The following FRS2 variants were observed in gnomAD, a reference collection of about 807,000 sequenced individuals.
FRS2 encodes FGFR signalling adaptor.
FRS2 carries 8 observed loss-of-function variants against 43.9 expected under a neutral mutation model. The ratio of observed to expected loss-of-function variants is 0.18; its 90% confidence interval spans 0.11 to 0.33. The LOEUF is 0.33. Ranked by LOEUF, FRS2 falls within the 10% of genes least tolerant of loss-of-function variation. The pLI, the probability that FRS2 is intolerant of heterozygous loss-of-function variation, is 1.00. For missense variants in FRS2, 534 were observed against 627.6 expected, an observed-to-expected ratio of 0.85 and a Z score of 1.59; for synonymous variants, 219 against 220.3, an observed-to-expected ratio of 0.99 and a Z score of 0.05.
intron 1 of FRS2, among the ~76,000 whole-genome samples, chr12:69,525,748 A>G (rs1876154084): frequency 6.6e-6 from 1 of 151,662 alleles, no homozygotes; most frequent in Non-Finnish European, 1.5e-5. Context: ...ACCAAGTGGT[A>G]TGTGTTTTTT....
chr12:69,514,543 G>A (rs796427898), intron 1 of FRS2, among the ~76,000 whole-genome samples: 1 of 152,002 alleles, frequency 6.6e-6, no homozygotes, highest in Non-Finnish European at 1.5e-5. Flanking sequence ...ATTATAAGAC[G>A]GGAGGATGGC....
intron 1 of FRS2, among the ~76,000 whole-genome samples, chr12:69,480,011 GGATACTTTTCTT>G (rs1218204144): frequency 3.3e-5 from 5 of 151,908 alleles, no homozygotes; most frequent in African/African-American, 1.2e-4. Flanking sequence ...ATTGTGTTCT[GGATACTTTTCTT>G]GAAGTTAGCT....
chr12:69,504,298 G>C (rs1448843663), intron 1 of FRS2, among the ~76,000 whole-genome samples: 1 of 152,176 alleles, frequency 6.6e-6, no homozygotes, highest in Admixed American at 6.5e-5. Flanking sequence ...CCAGGAGGTG[G>C]AGGTTGCAGT....
intron 3 of FRS2, among the ~76,000 whole-genome samples, chr12:69,543,040 T>C (rs1421946093): frequency 6.6e-6 from 1 of 152,192 alleles, no homozygotes. Flanking sequence ...AAGGAAAACA[T>C]CAGGTACTAC....
intron 1 of FRS2, among the ~76,000 whole-genome samples, chr12:69,489,301 G>C (rs1360279663): frequency 2.6e-5 from 4 of 152,098 alleles, no homozygotes; most frequent in African/African-American, 4.8e-5. Context: ...TTAGATACTG[G>C]CTTCATTTTG....
intron 1 of FRS2, among the ~76,000 whole-genome samples, chr12:69,528,527 G>A (rs944040513): frequency 9.2e-5 from 14 of 152,206 alleles, no homozygotes; most frequent in East Asian, 7.7e-4. Context: ...TGGTACAGAT[G>A]ATTTAAAAAC....
At chr12:69,544,156 G>A (rs896683387) in intron 3 of FRS2, among the ~76,000 whole-genome samples, 1 of 150,568 alleles carries the variant, frequency 6.6e-6, no homozygotes, top group African/African-American at 2.4e-5. Flanking sequence ...TCTTAAAAAT[G>A]CAATTGAATC....
intron 1 of FRS2, among the ~76,000 whole-genome samples, chr12:69,510,110 T>G (rs1295340709): frequency 6.6e-6 from 1 of 152,196 alleles, no homozygotes; most frequent in Non-Finnish European, 1.5e-5. Context: ...GCATACCTCA[T>G]GTGGTGCCAG....
At chr12:69,568,470 T>C (rs1400447047) in intron 4 of FRS2, among the ~76,000 whole-genome samples, 1 of 152,046 alleles carries the variant, frequency 6.6e-6, no homozygotes, top group African/African-American at 2.4e-5. Flanking sequence ...GAGGATCACT[T>C]GAGCCCAGGA....
chr12:69,538,223 A>ATATATATATATATG (rs1194377826), intron 3 of FRS2, among the ~76,000 whole-genome samples: 102 of 100,140 alleles, frequency 1.0e-3, no homozygotes, highest in African/African-American at 4.2e-3. Flanking sequence ...ATATATATAT[A>ATATATATATATATG]GCATTGCAGA....
At chr12:69,496,793 C>T (rs1025170411) in intron 1 of FRS2, among the ~76,000 whole-genome samples, 2 of 152,074 alleles carry the variant, frequency 1.3e-5, no homozygotes, top group East Asian at 3.9e-4. Context: ...TAGGGCATAA[C>T]AAATAGGAAT....
chr12:69,508,650 G>A (rs1240434700), intron 1 of FRS2, among the ~76,000 whole-genome samples: 1 of 152,100 alleles, frequency 6.6e-6, no homozygotes, highest in African/African-American at 2.4e-5. Flanking sequence ...GTATTACAAG[G>A]CTTATGAAAA....
At chr12:69,525,114 C>A (rs761225024) in intron 1 of FRS2, among the ~76,000 whole-genome samples, 11 of 152,030 alleles carry the variant, frequency 7.2e-5, no homozygotes, top group Admixed American at 1.3e-4. Context: ...ATGTAGTCAG[C>A]CATCTTGGAG....
At chr12:69,529,363 C>T (rs1314663583) in intron 1 of FRS2, among the ~76,000 whole-genome samples, 4 of 152,138 alleles carry the variant, frequency 2.6e-5, no homozygotes, top group East Asian at 3.9e-4. Flanking sequence ...GTGGCTCATT[C>T]CTGTAATCCC....
chr12:69,562,722 C>T (rs886775811), intron 4 of FRS2, among the ~76,000 whole-genome samples: 4 of 151,882 alleles, frequency 2.6e-5, no homozygotes, highest in Non-Finnish European at 4.4e-5. Context: ...CAGAGCCTTG[C>T]TTTGTCGTCC....
intron 1 of FRS2, among the ~76,000 whole-genome samples, chr12:69,478,254 T>C (rs1871021820): frequency 6.6e-6 from 1 of 152,184 alleles, no homozygotes; most frequent in South Asian, 2.1e-4. Context: ...ATTATCAATG[T>C]ATTTCTATCA....
chr12:69,578,717 C>T lies in FRS2; in HGVS notation c.*3762C>T, dbSNP rs995762197. 6.6e-6 allele frequency: 1 copy of T among 152,544 alleles called. No homozygotes were observed. Among genetic ancestry groups the T allele is most frequent in the African/African-American group, 2.4e-5 (1 of 41,418 alleles). The allele number at this position is 152,544 out of a possible 1,614,324, so 9.4% of individuals were successfully genotyped here. A position where few individuals can be genotyped will look rare whatever the true frequency, so the allele number is the denominator to read the frequency against. On this transcript the variant is annotated 3_prime_UTR_variant, in exon 9 of 9. Transcript: ENST00000549921. ...CATTACATTGTATAATATTGTAAGA[C>T]TATTGTATGTCCTAATTTGCATTAT...
At chr12:69,523,077 G>A (rs568310128) in intron 1 of FRS2, among the ~76,000 whole-genome samples, 2 of 152,332 alleles carry the variant, frequency 1.3e-5, no homozygotes, top group South Asian at 4.1e-4. Flanking sequence ...GGAGAGTTCT[G>A]TAGATTTATA....
At chr12:69,528,920 G>C (rs1163680310) in intron 1 of FRS2, among the ~76,000 whole-genome samples, 1 of 152,190 alleles carries the variant, frequency 6.6e-6, no homozygotes, top group Non-Finnish European at 1.5e-5. Flanking sequence ...AAGTGAGAAG[G>C]TGCTTGATAA....
Sources: allele counts gnomAD v4.1 joint callset (sites outside exome capture counted in the v4.1 genomes callset), GRCh38; gene constraint gnomAD v4.1.1; transcripts MANE v1.5; gene names NCBI Gene and HGNC (gene_info 2026-07-23, HGNC 2026-07-21).